The following DOCK1 variants were observed in gnomAD, a reference collection of about 807,000 sequenced individuals.
DOCK1 encodes dedicator of cytokinesis 1.
A neutral mutation model predicts 262.7 loss-of-function variants in DOCK1; 138 were observed. The observed-to-expected ratio is 0.53, with a 90% CI of 0.46 to 0.61. The LOEUF (loss-of-function observed/expected upper bound fraction) is 0.61, where lower values mean the gene tolerates loss of function less well. Among genes scored for constraint, DOCK1 ranks in the 20% least tolerant of loss-of-function variants. DOCK1 has a pLI of 0.00. For missense variants in DOCK1, 1,908 were observed against 2,370.7 expected (o/e 0.80, Z 4.05); for synonymous variants, 866 against 867.4 (o/e 1.00, Z 0.03).
chr10:126,977,711 G>A (rs1422442572), intron 2 of DOCK1, among the ~76,000 whole-genome samples: 1 of 152,176 alleles, frequency 6.6e-6, no homozygotes, highest in Admixed American at 6.5e-5. Context: ...AGATGACGGA[G>A]GTGAAGGTAT....
At chr10:127,384,751 T>G (rs878562) in intron 37 of DOCK1, 39 bp from the exon 38 acceptor site, 1,085,517 of 1,508,250 alleles carry the variant, frequency 0.72, 391,909 homozygotes, top group African/African-American at 0.83. Context: ...CCCTGGGTGT[T>G]TCCGCCTCGG....
chr10:126,952,573 G>A (rs1004366648), intron 1 of DOCK1, among the ~76,000 whole-genome samples: 48,184 of 139,682 alleles, frequency 0.34, 8,650 homozygotes, highest in East Asian at 0.66. Flanking sequence ...AGTGTTGTTG[G>A]TGATGTAGTA....
Position 127,354,663 on chromosome 10 carries a change from T to C in DOCK1, c.3225-6T>C. 1 of 1,613,780 alleles carries C rather than the reference T, an allele frequency of 6.2e-7. No individual in the cohort carries two copies. Among genetic ancestry groups the C allele is most frequent in the Non-Finnish European group, 8.5e-7 (1 of 1,179,728 alleles). On this transcript the variant is annotated splice_polypyrimidine_tract_variant and splice_region_variant and intron_variant, in intron 31 of 51. Coordinates refer to ENST00000623213, the MANE Select transcript of DOCK1 (RefSeq NM_001290223.2). The stretch of plus-strand genomic sequence containing the variant: ...ATTCAGCGTTTTTCTTTTCCCTGAT[T>C]TCCAGGTACGGAGATATGAGGAGAC...
intron 27 of DOCK1, among the ~76,000 whole-genome samples, chr10:127,240,808 A>G (rs1344938743): frequency 6.6e-6 from 1 of 152,224 alleles, no homozygotes; most frequent in Non-Finnish European, 1.5e-5. Flanking sequence ...AGGAGAAGCT[A>G]TCTCATTTCT....
chr10:127,370,915 AAAGAG>A (rs2065171691), intron 33 of DOCK1, among the ~76,000 whole-genome samples: 1 of 152,232 alleles, frequency 6.6e-6, no homozygotes, highest in South Asian at 2.1e-4. Flanking sequence ...GTGATTCAGA[AAAGAG>A]AAGAAAATAT....
At chr10:127,270,509 G>T (rs1370604173) in intron 29 of DOCK1, among the ~76,000 whole-genome samples, 1 of 152,130 alleles carries the variant, frequency 6.6e-6, no homozygotes, top group East Asian at 1.9e-4. Flanking sequence ...CACAGAAAAT[G>T]CCACATGGCT....
chr10:127,292,865 G>A (rs1232690033), intron 29 of DOCK1, among the ~76,000 whole-genome samples: 3 of 152,152 alleles, frequency 2.0e-5, no homozygotes, highest in Admixed American at 2.0e-4. Flanking sequence ...GATACTGGCA[G>A]ACAAATTTCA....
At chr10:127,379,310 G>A (rs1341892110) in intron 35 of DOCK1, among the ~76,000 whole-genome samples, 1 of 152,178 alleles carries the variant, frequency 6.6e-6, no homozygotes, top group African/African-American at 2.4e-5. Context: ...TAATCCATTG[G>A]TTTTAATCTA....
Position 127,128,597 on chromosome 10 carries a change from A to G in DOCK1, c.2847+833A>G, listed in dbSNP as rs1030010296. ...GTGGTTCTCCTCCCTGTGTGCATGT[A>G]TTCTCATTGTTCACCTCCCACTTAT... On this transcript the variant is annotated intron_variant, in intron 27 of 51. Coordinates refer to ENST00000623213, the MANE Select transcript of DOCK1 (RefSeq NM_001290223.2). 3.2e-4 allele frequency among the ~76,000 whole-genome samples: 48 copies of G among 151,864 alleles called. 3 individuals are homozygous for G.
chr10:127,261,635 G>GTGGGTGTGTA (rs2060127722), intron 29 of DOCK1, among the ~76,000 whole-genome samples: 2 of 79,820 alleles, frequency 2.5e-5, no homozygotes, highest in Admixed American at 2.5e-4. Flanking sequence ...GTGTGTGCAT[G>GTGGGTGTGTA]TGTACCTGCA....
chr10:127,086,950 T>C (rs2136062089), intron 23 of DOCK1, among the ~76,000 whole-genome samples: 1 of 152,334 alleles, frequency 6.6e-6, no homozygotes, highest in Middle Eastern at 3.4e-3. Context: ...TGGCCAAAAC[T>C]TGACATTTTC....
intron 13 of DOCK1, among the ~76,000 whole-genome samples, chr10:127,022,583 A>G (rs1272645262): frequency 3.3e-5 from 5 of 151,906 alleles, no homozygotes; most frequent in Non-Finnish European, 7.4e-5. Flanking sequence ...TTTAGTAGAG[A>G]TGAGGGTTCA....
At chr10:127,224,470 G>GA (rs2058560550) in intron 27 of DOCK1, among the ~76,000 whole-genome samples, 1 of 151,712 alleles carries the variant, frequency 6.6e-6, no homozygotes, top group African/African-American at 2.4e-5. Flanking sequence ...GCTGAGGGAG[G>GA]AAAATCACTT....
At chr10:126,907,822 A>T (rs563069302) in intron 1 of DOCK1, among the ~76,000 whole-genome samples, 1 of 152,278 alleles carries the variant, frequency 6.6e-6, no homozygotes, top group African/African-American at 2.4e-5. Context: ...GACTTCTAAC[A>T]TCACACCTCT....
intron 27 of DOCK1, among the ~76,000 whole-genome samples, chr10:127,213,604 G>A (rs980671887): frequency 6.6e-6 from 1 of 152,216 alleles, no homozygotes; most frequent in South Asian, 2.1e-4. Context: ...ATACATTAAT[G>A]TACACCAAGC....
intron 27 of DOCK1, among the ~76,000 whole-genome samples, chr10:127,224,612 TG>T (rs2058568361): frequency 6.6e-6 from 1 of 151,136 alleles, no homozygotes; most frequent in African/African-American, 2.4e-5. Flanking sequence ...CCCAGCTGCT[TG>T]GGAGCCTGAG....
chr10:127,262,213 C>CATATGTGTGT lies in DOCK1; in HGVS notation c.3044+4784_3044+4785insATATGTGTGT, dbSNP rs372547717. On this transcript the variant is annotated intron_variant, in intron 29 of 51. Transcript: ENST00000623213. ...GTACCCGTGCTCATCTGTGTGTGTG[C>CATATGTGTGT]GTGTGTGTGTGTGTGTACCCGTGCT... is the stretch of plus-strand genomic sequence containing the variant. Among the ~76,000 whole-genome samples, 660 of 126,564 alleles carry CATATGTGTGT rather than the reference C, an allele frequency of 5.2e-3. 16 individuals carry two copies. Among genetic ancestry groups the CATATGTGTGT allele is most frequent in the African/African-American group, 0.019 (627 of 32,924 alleles). The allele number at this position is 126,564 out of a possible 152,430, so 83.0% of individuals were successfully genotyped here.
chr10:127,089,764 G>A (rs1003786300), intron 23 of DOCK1, among the ~76,000 whole-genome samples: 5 of 152,188 alleles, frequency 3.3e-5, no homozygotes, highest in Admixed American at 6.5e-5. Flanking sequence ...GCCCAGTGCT[G>A]GCGTGTGGAC....
intron 10 of DOCK1, among the ~76,000 whole-genome samples, chr10:127,001,824 C>T (rs547736083): frequency 6.6e-6 from 1 of 152,252 alleles, no homozygotes; most frequent in Non-Finnish European, 1.5e-5. Context: ...TTTCTGAAGT[C>T]CCCACAGCCT....
Sources: gnomAD v4.1 joint callset for allele counts (sites outside exome capture counted in the v4.1 genomes callset) on GRCh38, gnomAD v4.1.1 for gene constraint, MANE v1.5 for transcripts, NCBI Gene and HGNC (gene_info 2026-07-23, HGNC 2026-07-21) for gene names.